ARHGAP10: variants seen among roughly 807,000 people sequenced by gnomAD.
ARHGAP10 encodes the protein rho GTPase-activating protein 10.
In ARHGAP10, 87 loss-of-function variants were observed where a neutral mutation model predicts 108.6. The ratio of observed to expected loss-of-function variants is 0.80; its 90% CI spans 0.67 to 0.96. ARHGAP10 has a LOEUF of 0.96. Among genes scored for constraint, ARHGAP10 ranks in the 40% least tolerant of loss-of-function variants. The probability of loss-of-function intolerance (pLI) is 0.00; values close to 1 mark genes in which losing one functional copy is unlikely to be tolerated. For missense variants in ARHGAP10, 939 were observed against 954.5 expected, an observed-to-expected ratio of 0.98 and a Z score of 0.21; for synonymous variants, 347 against 341.1, an observed-to-expected ratio of 1.02 and a Z score of -0.19.
At chr4:148,046,457 G>T (rs1003202452) in intron 19 of ARHGAP10, among the ~76,000 whole-genome samples, 1 of 152,168 alleles carries the variant, frequency 6.6e-6, no homozygotes, top group African/African-American at 2.4e-5. Flanking sequence ...TTTTAGAGTT[G>T]TCTAATTTAT....
chr4:148,030,712 C>A (rs1430992572), intron 19 of ARHGAP10, among the ~76,000 whole-genome samples: 2 of 152,168 alleles, frequency 1.3e-5, no homozygotes, highest in Non-Finnish European at 2.9e-5. Flanking sequence ...GAGAACACTC[C>A]TTGTATTTAT....
chr4:147,879,962 G>A (rs1267086595), intron 9 of ARHGAP10, among the ~76,000 whole-genome samples: 1 of 152,178 alleles, frequency 6.6e-6, no homozygotes, highest in African/African-American at 2.4e-5. Context: ...AGTGATCTAC[G>A]ATAAATTTTA....
intron 1 of ARHGAP10, among the ~76,000 whole-genome samples, chr4:147,766,365 C>G (rs1415142535): frequency 6.6e-6 from 1 of 151,988 alleles, no homozygotes; most frequent in Non-Finnish European, 1.5e-5. Flanking sequence ...CTCTACATTA[C>G]TTACGATACT....
chr4:148,047,694 C>T (rs1346451161), intron 20 of ARHGAP10, among the ~76,000 whole-genome samples: 1 of 152,040 alleles, frequency 6.6e-6, no homozygotes, highest in Non-Finnish European at 1.5e-5. Flanking sequence ...GATGTGGAAC[C>T]CAAAAGGGCA....
chr4:147,942,220 G>T (rs1418584450), intron 14 of ARHGAP10, among the ~76,000 whole-genome samples: 1 of 152,090 alleles, frequency 6.6e-6, no homozygotes, highest in African/African-American at 2.4e-5. Context: ...CATTTTGTTT[G>T]TAATGCATTG....
chr4:147,784,498 TATA>T (rs1295315613), intron 1 of ARHGAP10, among the ~76,000 whole-genome samples: 19 of 109,132 alleles, frequency 1.7e-4, no homozygotes, highest in African/African-American at 6.3e-4. Context: ...TTAATTTATA[TATA>T]ATATATACTG....
intron 9 of ARHGAP10, among the ~76,000 whole-genome samples, chr4:147,879,591 A>G (rs910546125): frequency 2.0e-5 from 3 of 152,050 alleles, no homozygotes; most frequent in African/African-American, 7.2e-5. Context: ...CATGTGCACA[A>G]CGTGCAGGTT....
chr4:147,759,093 A>G (rs530935640), intron 1 of ARHGAP10, among the ~76,000 whole-genome samples: 7 of 152,298 alleles, frequency 4.6e-5, no homozygotes, highest in Admixed American at 2.6e-4. Context: ...TAAGTAACAC[A>G]TGGTAGATAC....
chr4:147,795,936 G>T (rs1163787464), intron 1 of ARHGAP10, among the ~76,000 whole-genome samples: 2 of 151,906 alleles, frequency 1.3e-5, no homozygotes, highest in African/African-American at 2.4e-5. Flanking sequence ...CTCGTGATCC[G>T]CCCACCTCGG....
At chr4:148,047,136 G>A (rs1007270846) in intron 20 of ARHGAP10, 85 bp downstream of exon 20, 12 of 1,492,536 alleles carry the variant, frequency 8.0e-6, no homozygotes, top group Non-Finnish European at 1.1e-5. Flanking sequence ...AGTGACCTGT[G>A]GGTGCTGAAG....
Position 148,072,232 on chromosome 4 carries a change from GGTGGT to G in ARHGAP10, c.*153_*157del. The G allele has an allele frequency of 1.9e-6, 1 of 535,088 alleles. No individual in the cohort carries two copies. Among genetic ancestry groups the G allele is most frequent in the Non-Finnish European group, 3.2e-6 (1 of 310,928 alleles). The allele number at this position is 535,088 out of a possible 1,614,324, so 33.1% of individuals were successfully genotyped here. ...ATCACAGTCAGCCCTGGGGGTGGGG[GGTGGT>G]GGGCAGGGATGGGACGCACCACACA... is the stretch of plus-strand genomic sequence containing the variant. On this transcript the variant is annotated 3_prime_UTR_variant, in exon 23 of 23. Coordinates refer to ENST00000336498, the MANE Select transcript of ARHGAP10 (RefSeq NM_024605.4).
intron 1 of ARHGAP10, among the ~76,000 whole-genome samples, chr4:147,757,899 G>A (rs1729446320): frequency 6.6e-6 from 1 of 152,160 alleles, no homozygotes; most frequent in Non-Finnish European, 1.5e-5. Context: ...GAACAGGTGT[G>A]CCCGAGACTG....
intron 4 of ARHGAP10, among the ~76,000 whole-genome samples, chr4:147,848,139 G>A (rs1196107401): frequency 1.3e-5 from 2 of 151,002 alleles, no homozygotes; most frequent in Non-Finnish European, 2.9e-5. Flanking sequence ...ATCCCTTGGT[G>A]GAAATAAACA....
At chr4:147,906,073 A>G (rs1175573876) in intron 10 of ARHGAP10, among the ~76,000 whole-genome samples, 1 of 152,194 alleles carries the variant, frequency 6.6e-6, no homozygotes, top group Non-Finnish European at 1.5e-5. Flanking sequence ...ATTTTTGTAC[A>G]TTGATTTTGT....
Position 147,821,938 on chromosome 4 carries a change from C to T in ARHGAP10, c.155-789C>T, listed in dbSNP as rs573292883. Among the ~76,000 whole-genome samples, 50 of 152,302 alleles carry T rather than the reference C, an allele frequency of 3.3e-4. 1 individual carries two copies. The highest frequency in any genetic ancestry group is 1.0e-3 in the African/African-American group (42 of 41,572). On this transcript the variant is annotated intron_variant, in intron 1 of 22. Coordinates refer to ENST00000336498, the MANE Select transcript of ARHGAP10 (RefSeq NM_024605.4). ...TGTTTGTAGCTGTGCCAACCTTATG[C>T]AAATTACTCAACATCTTTGAGGTTT...
intron 15 of ARHGAP10, among the ~76,000 whole-genome samples, chr4:147,955,011 A>G (rs933209633): frequency 2.0e-5 from 3 of 152,074 alleles, no homozygotes; most frequent in African/African-American, 7.2e-5. Context: ...ATTAATGTGT[A>G]GAAGGAAGTT....
chr4:147,781,681 C>CTTTTTTTTTTTTT (rs56781517), intron 1 of ARHGAP10, among the ~76,000 whole-genome samples: 2 of 130,586 alleles, frequency 1.5e-5, no homozygotes, highest in African/African-American at 5.7e-5. Flanking sequence ...CTTTTCTTTT[C>CTTTTTTTTTTTTT]TTTTTTTTTT....
intron 18 of ARHGAP10, among the ~76,000 whole-genome samples, chr4:147,995,162 T>A (rs1001790395): frequency 6.6e-6 from 1 of 152,252 alleles, no homozygotes; most frequent in Non-Finnish European, 1.5e-5. Context: ...TTTTTCATTC[T>A]CCATTGCTAC....
At chr4:147,919,801 G>A (rs927270797) in intron 13 of ARHGAP10, among the ~76,000 whole-genome samples, 1 of 152,014 alleles carries the variant, frequency 6.6e-6, no homozygotes, top group African/African-American at 2.4e-5. Flanking sequence ...GGCTGGTCTT[G>A]AACTCCTGAC....
Sources: gnomAD v4.1 joint callset for allele counts (sites outside exome capture counted in the v4.1 genomes callset) on GRCh38, gnomAD v4.1.1 for gene constraint, MANE v1.5 for transcripts, NCBI Gene and HGNC (gene_info 2026-07-23, HGNC 2026-07-21) for gene names.